The following UNC5C variants were observed in gnomAD, a reference collection of about 807,000 sequenced individuals.
UNC5C encodes the protein unc-5 netrin receptor C, also known as netrin receptor UNC5C.
In UNC5C, 47 loss-of-function variants were observed where a neutral mutation model predicts 99.8. That is an observed-to-expected ratio of 0.47 (90% CI 0.37 to 0.60). The LOEUF is 0.60. UNC5C is among the 20% of genes least tolerant of loss of function. UNC5C has a pLI of 0.00. For missense variants in UNC5C, 1,062 were observed against 1,165.9 expected (o/e 0.91, Z 1.30); for synonymous variants, 487 against 452.2 (o/e 1.08, Z -0.98).
intron 1 of UNC5C, among the ~76,000 whole-genome samples, chr4:95,413,179 A>G (rs1746048317): frequency 1.3e-5 from 2 of 152,014 alleles, no homozygotes; most frequent in Admixed American, 1.3e-4. Context: ...GCTTTCCTTG[A>G]TTTGTTGGAG....
intron 6 of UNC5C, among the ~76,000 whole-genome samples, chr4:95,243,658 A>G (rs1195547670): frequency 6.6e-6 from 1 of 152,238 alleles, no homozygotes; most frequent in Non-Finnish European, 1.5e-5. Flanking sequence ...TTCATATTCA[A>G]ATTATTATGT....
At chr4:95,384,670 AG>A (rs1745162364) in intron 1 of UNC5C, among the ~76,000 whole-genome samples, 1 of 152,178 alleles carries the variant, frequency 6.6e-6, no homozygotes, top group Non-Finnish European at 1.5e-5. Context: ...GAAAATGACA[AG>A]TCCAGATTTC....
At chr4:95,290,308 A>T (rs1741396057) in intron 3 of UNC5C, among the ~76,000 whole-genome samples, 1 of 150,070 alleles carries the variant, frequency 6.7e-6, no homozygotes, top group Admixed American at 6.7e-5. Flanking sequence ...CCTGTCTCTG[A>T]AAAAACAAAT....
chr4:95,192,737 C>G (rs867756129), intron 12 of UNC5C, among the ~76,000 whole-genome samples: 48 of 152,008 alleles, frequency 3.2e-4, no homozygotes, highest in African/African-American at 1.1e-3. Context: ...CTCTGCTCAC[C>G]TCTTCCTCTG....
rs1224161269 is a variant in UNC5C, at chr4:95,219,271, A to T, written c.1343T>A (p.Met448Lys). 2.2e-5 allele frequency: 35 copies of T among 1,614,018 alleles called. No homozygotes were observed. Among genetic ancestry groups the T allele is most frequent in the Non-Finnish European group, 3.0e-5 (35 of 1,180,018 alleles). The change falls in exon 9 of 16, where the codon ATG becomes AAG. Residue 448 changes from methionine (M) to lysine (K), a missense_variant. Physicochemically the swap from Met to Lys is moderately conservative, Grantham distance 95. This residue lies in a region of UNC5C where 810 missense variants were observed against 854.5 expected (regional missense o/e 0.95). Transcript: ENST00000453304. ...VPPDLTSAAA[M>K]YRGPVYALHD... ...CAGGGCATAGACAGGTCCTCTGTAC[A>T]TGGCTGCAGCTGACGTGAGGTCTGG...
intron 1 of UNC5C, among the ~76,000 whole-genome samples, chr4:95,477,872 T>G (rs1348528705): frequency 6.6e-6 from 1 of 152,012 alleles, no homozygotes; most frequent in South Asian, 2.1e-4. Context: ...TCACTTGGGT[T>G]GGAATTTCAT....
At chr4:95,464,505 G>C (rs1747711771) in intron 1 of UNC5C, among the ~76,000 whole-genome samples, 1 of 152,082 alleles carries the variant, frequency 6.6e-6, no homozygotes, top group Non-Finnish European at 1.5e-5. Flanking sequence ...AAAAGTAGGA[G>C]CATCTAAAAT....
At chr4:95,322,814 T>C (rs966500175) in intron 2 of UNC5C, among the ~76,000 whole-genome samples, 1 of 151,716 alleles carries the variant, frequency 6.6e-6, no homozygotes, top group African/African-American at 2.4e-5. Context: ...CAGCAGCATC[T>C]GTAGTCCCAG....
rs1735891389 is a variant in UNC5C at position 95,167,228 on chromosome 4, T to C, written c.*2006A>G. 6.6e-6 allele frequency: 1 copy of C among 152,206 alleles called. No individual in the cohort carries two copies. Among genetic ancestry groups the C allele is most frequent in the African/African-American group, 2.4e-5 (1 of 41,456 alleles). 9.4% of individuals were successfully genotyped at this position (152,206 alleles called of 1,614,324 possible). ...GTAAACCACAGTCATGTTCTAAAGG[T>C]TCCGATTCATACACATGTCTGCTTG... On this transcript the variant is annotated 3_prime_UTR_variant, in exon 16 of 16. Transcript: ENST00000453304.
chr4:95,192,211 C>A (rs946504809), intron 12 of UNC5C, among the ~76,000 whole-genome samples: 2 of 143,204 alleles, frequency 1.4e-5, no homozygotes, highest in African/African-American at 5.2e-5. Flanking sequence ...CTACTCACCT[C>A]TTTTGCTCGC....
intron 1 of UNC5C, among the ~76,000 whole-genome samples, chr4:95,497,923 T>C (rs547447141): frequency 1.3e-5 from 2 of 152,132 alleles, no homozygotes; most frequent in African/African-American, 2.4e-5. Context: ...AGCTTTTAAA[T>C]AGCTACATGA....
At chr4:95,465,606 T>A (rs1045277211) in intron 1 of UNC5C, among the ~76,000 whole-genome samples, 1 of 152,140 alleles carries the variant, frequency 6.6e-6, no homozygotes, top group African/African-American at 2.4e-5. Context: ...AAGGTAGATT[T>A]GCCCATCATT....
At chr4:95,179,730 G>A (rs1160682445) in intron 14 of UNC5C, among the ~76,000 whole-genome samples, 1 of 130,450 alleles carries the variant, frequency 7.7e-6, no homozygotes, top group Non-Finnish European at 1.6e-5. Context: ...CTGGGCCACA[G>A]AGCAAGACTC....
Position 95,548,938 on chromosome 4 carries a change from G to T in UNC5C, c.-81C>A. 6.4e-7 allele frequency: 1 copy of T among 1,552,944 alleles called. No individual in the cohort carries two copies. Among genetic ancestry groups the T allele is most frequent in the Non-Finnish European group, 8.8e-7 (1 of 1,138,454 alleles). Reference sequence around the variant, plus strand: ...CTGAAAGCCCCACTGGGCAGAAGCTGAATCCGTGCACCGCGAAGCAGTCCG... The same window carrying T: ...CTGAAAGCCCCACTGGGCAGAAGCTTAATCCGTGCACCGCGAAGCAGTCCG... On this transcript the variant is annotated 5_prime_UTR_variant, in exon 1 of 16. Coordinates refer to ENST00000453304, the MANE Select transcript of UNC5C (RefSeq NM_003728.4).
intron 5 of UNC5C, among the ~76,000 whole-genome samples, chr4:95,249,813 T>C (rs1173837762): frequency 6.6e-6 from 1 of 152,202 alleles, no homozygotes; most frequent in East Asian, 1.9e-4. Flanking sequence ...TAGGGCCACT[T>C]GGCCAGATAA....
At chr4:95,348,356 G>A (rs955512533) in intron 1 of UNC5C, among the ~76,000 whole-genome samples, 7 of 151,562 alleles carry the variant, frequency 4.6e-5, no homozygotes, top group Admixed American at 1.3e-4. Context: ...TGGTTTGGAG[G>A]TTCCCCAAAA....
intron 7 of UNC5C, among the ~76,000 whole-genome samples, chr4:95,235,252 A>T (rs983088892): frequency 1.6e-4 from 24 of 152,222 alleles, no homozygotes; most frequent in African/African-American, 2.2e-4. Flanking sequence ...AGTTCTTTTT[A>T]AAAAATGTCA....
chr4:95,319,247 CTG>C (rs1742589886), intron 2 of UNC5C, among the ~76,000 whole-genome samples: 1 of 152,292 alleles, frequency 6.6e-6, no homozygotes, highest in African/African-American at 2.4e-5. Flanking sequence ...ATTATTATCT[CTG>C]GGGCTGGGGC....
rs572031632 is a variant in UNC5C, at chr4:95,409,475, C to T, written c.125-73844G>A. Among the ~76,000 whole-genome samples the T allele has an allele frequency of 6.6e-5, 10 of 152,298 alleles. No individual in the cohort carries two copies. In the South Asian group the frequency reaches 1.9e-3, roughly 28 times the overall value. On this transcript the variant is annotated intron_variant, in intron 1 of 15. Coordinates refer to ENST00000453304, the MANE Select transcript of UNC5C (RefSeq NM_003728.4). ...ATATATCCTACACATATGTATAACT[C>T]TATTTTTCAAATGTGCATTAATGTT...
Sources: gnomAD v4.1 joint callset for allele counts (sites outside exome capture counted in the v4.1 genomes callset) on GRCh38, gnomAD v4.1.1 for gene constraint, gnomAD v4.1.1 regional missense constraint, MANE v1.5 for transcripts, NCBI Gene and HGNC (gene_info 2026-07-23, HGNC 2026-07-21) for gene names.